RABGAP1L: variants seen among roughly 807,000 people sequenced by gnomAD.
RABGAP1L encodes rab GTPase-activating protein 1-like.
A neutral mutation model predicts 137.7 loss-of-function variants in RABGAP1L; 63 were observed. The observed-to-expected ratio is 0.46, with a 90% CI of 0.37 to 0.56. The LOEUF is 0.56. Ranked by LOEUF, RABGAP1L falls within the 20% of genes least tolerant of loss-of-function variation. The pLI is 0.00. For synonymous variants in RABGAP1L, 431 were observed against 433.7 expected (o/e 0.99, Z 0.08); for missense variants, 1,095 against 1,244.0 (o/e 0.88, Z 1.80).
At chr1:174,624,487 A>T (rs548659255) in intron 13 of RABGAP1L, among the ~76,000 whole-genome samples, 1 of 152,204 alleles carries the variant, frequency 6.6e-6, no homozygotes, top group African/African-American at 2.4e-5. Context: ...TGTCTTGCAC[A>T]TAACAAATGT....
intron 19 of RABGAP1L, chr1:174,877,425 G>A (rs780874565): frequency 4.4e-6 from 7 of 1,602,994 alleles, no homozygotes; most frequent in Non-Finnish European, 6.0e-6. Context: ...GCTGCAGTAG[G>A]ATTTTTCCTT....
chr1:174,343,156 C>T (rs1028437340), intron 11 of RABGAP1L, among the ~76,000 whole-genome samples: 7 of 152,138 alleles, frequency 4.6e-5, no homozygotes, highest in African/African-American at 1.7e-4. Flanking sequence ...AACGATTTCT[C>T]CCTCTTTAAT....
chr1:174,831,020 G>A (rs1692059617), intron 19 of RABGAP1L, among the ~76,000 whole-genome samples: 1 of 147,326 alleles, frequency 6.8e-6, no homozygotes, highest in Admixed American at 6.8e-5. Context: ...TCTACCTCAT[G>A]GTTATTAATA....
At chr1:174,870,995 T>C (rs991963208) in intron 19 of RABGAP1L, among the ~76,000 whole-genome samples, 4 of 152,164 alleles carry the variant, frequency 2.6e-5, no homozygotes, top group African/African-American at 9.6e-5. Flanking sequence ...CACCTCGGCC[T>C]CCCAAAGTGC....
chr1:174,804,577 T>C (rs1386273008), intron 18 of RABGAP1L, among the ~76,000 whole-genome samples: 2 of 152,170 alleles, frequency 1.3e-5, no homozygotes, highest in Non-Finnish European at 2.9e-5. Context: ...CCTTCCAAAG[T>C]GTTGGGATTA....
intron 21 of RABGAP1L, among the ~76,000 whole-genome samples, chr1:174,973,586 T>C (rs1160136080): frequency 2.0e-5 from 3 of 152,112 alleles, no homozygotes; most frequent in South Asian, 2.1e-4. Context: ...GGTTTCACCA[T>C]GTTGGCCAGG....
chr1:174,614,847 C>A (rs1206545435), intron 13 of RABGAP1L, among the ~76,000 whole-genome samples: 1 of 152,186 alleles, frequency 6.6e-6, no homozygotes, highest in African/African-American at 2.4e-5. Flanking sequence ...ATCACTGATA[C>A]CCTTTCTTCC....
chr1:174,912,184 G>C (rs1660161976), intron 19 of RABGAP1L, among the ~76,000 whole-genome samples: 1 of 152,160 alleles, frequency 6.6e-6, no homozygotes, highest in Non-Finnish European at 1.5e-5. Flanking sequence ...CTGTCACCCA[G>C]GCTGGAGTGC....
At position 174,503,953 on chromosome 1, in the gene RABGAP1L, T is replaced by G. The variant is rs899310852; in HGVS notation, c.1710+109808T>G. 7.5e-5 allele frequency among the ~76,000 whole-genome samples: 11 copies of G among 147,278 alleles called. No individual in the cohort carries two copies. In the South Asian group the frequency reaches 1.7e-3, roughly 23 times the overall value. ...ATACTACCTAAAACAATCTACAGATTCAATAGACTCTTTTTTTTTTCTTTT... is the reference window on the plus strand; with the variant it reads ...ATACTACCTAAAACAATCTACAGATGCAATAGACTCTTTTTTTTTTCTTTT... On this transcript the variant is annotated intron_variant, in intron 13 of 25. Transcript: ENST00000681986.
At chr1:174,849,111 G>A (rs1416033963) in intron 19 of RABGAP1L, among the ~76,000 whole-genome samples, 2 of 152,124 alleles carry the variant, frequency 1.3e-5, no homozygotes, top group Non-Finnish European at 2.9e-5. Context: ...GCACCCACTG[G>A]CCTGCGCCCA....
intron 11 of RABGAP1L, among the ~76,000 whole-genome samples, chr1:174,336,564 T>A (rs1290584305): frequency 2.0e-5 from 3 of 152,218 alleles, no homozygotes; most frequent in African/African-American, 7.2e-5. Context: ...AATGTGCACA[T>A]GCATTACCTG....
At chr1:174,980,274 T>C (rs1670982501) in intron 23 of RABGAP1L, among the ~76,000 whole-genome samples, 1 of 152,224 alleles carries the variant, frequency 6.6e-6, no homozygotes, top group African/African-American at 2.4e-5. Context: ...AATAAAACTT[T>C]AGAGCTATTT....
chr1:174,402,138 A>G (rs182919412), intron 13 of RABGAP1L, among the ~76,000 whole-genome samples: 82 of 152,302 alleles, frequency 5.4e-4, no homozygotes, highest in Admixed American at 1.4e-3. Flanking sequence ...TAGTGCTTTC[A>G]TATATCCTTT....
chr1:174,972,921 G>A (rs1010615796), intron 21 of RABGAP1L, among the ~76,000 whole-genome samples: 9 of 148,578 alleles, frequency 6.1e-5, no homozygotes, highest in African/African-American at 2.2e-4. Context: ...GGTAGAATTT[G>A]AAAGGCTTTA....
chr1:174,857,576 T>C (rs1333132348), intron 19 of RABGAP1L, among the ~76,000 whole-genome samples: 2 of 152,106 alleles, frequency 1.3e-5, no homozygotes, highest in Admixed American at 1.3e-4. Context: ...AAACCATGGA[T>C]TGGAATACAT....
At chr1:174,723,715 TTG>T (rs1681764714) in intron 17 of RABGAP1L, among the ~76,000 whole-genome samples, 1 of 152,220 alleles carries the variant, frequency 6.6e-6, no homozygotes, top group African/African-American at 2.4e-5. Context: ...AGAGCCATAG[TTG>T]TCTTAGTACA....
At chr1:174,502,073 T>C (rs1053396816) in intron 13 of RABGAP1L, among the ~76,000 whole-genome samples, 4 of 151,646 alleles carry the variant, frequency 2.6e-5, no homozygotes, top group Admixed American at 2.6e-4. Context: ...AAATTATAAA[T>C]AGAAAATTAT....
At chr1:174,180,985 C>A (rs1666305600) in intron 1 of RABGAP1L, among the ~76,000 whole-genome samples, 1 of 152,126 alleles carries the variant, frequency 6.6e-6, no homozygotes, top group South Asian at 2.1e-4. Context: ...ACATTTAATT[C>A]ACAGACGAGA....
chr1:174,810,332 A>G (rs1356561276), intron 18 of RABGAP1L, among the ~76,000 whole-genome samples: 1 of 152,202 alleles, frequency 6.6e-6, no homozygotes, highest in Admixed American at 6.5e-5. Flanking sequence ...GCTAGGAGGA[A>G]GAATTTAAGT....
Sources: allele counts gnomAD v4.1 joint callset (sites outside exome capture counted in the v4.1 genomes callset), GRCh38; gene constraint gnomAD v4.1.1; transcripts MANE v1.5; gene names NCBI Gene and HGNC (gene_info 2026-07-23, HGNC 2026-07-21).